The following EHBP1 variants were observed in gnomAD, a reference collection of about 807,000 sequenced individuals.
EHBP1 encodes the protein EH domain-binding protein 1.
A neutral mutation model predicts 144.0 loss-of-function variants in EHBP1; 55 were observed. The observed-to-expected ratio is 0.38, with a 90% CI of 0.31 to 0.48. The LOEUF (loss-of-function observed/expected upper bound fraction) is 0.48, where lower values mean the gene tolerates loss of function less well. Among genes scored for constraint, EHBP1 ranks in the 20% least tolerant of loss-of-function variants. The probability of loss-of-function intolerance (pLI) is 0.98; values close to 1 mark genes in which losing one functional copy is unlikely to be tolerated. For synonymous variants in EHBP1, 469 were observed against 472.7 expected (o/e 0.99, Z 0.10); for missense variants, 1,200 against 1,364.2 (o/e 0.88, Z 1.90).
intron 19 of EHBP1, among the ~76,000 whole-genome samples, chr2:63,017,139 G>C (rs552187529): frequency 6.6e-6 from 1 of 152,294 alleles, no homozygotes; most frequent in South Asian, 2.1e-4. Flanking sequence ...ATAAAAATTG[G>C]AGTAAAGAAC....
chr2:63,028,637 A>C (rs2061092187), intron 19 of EHBP1, among the ~76,000 whole-genome samples: 1 of 152,142 alleles, frequency 6.6e-6, no homozygotes, highest in Non-Finnish European at 1.5e-5. Context: ...TGCATGATAC[A>C]TCTTTGGAGA....
intron 10 of EHBP1, among the ~76,000 whole-genome samples, chr2:62,938,262 T>C (rs554970916): frequency 5.9e-5 from 9 of 152,180 alleles, no homozygotes; most frequent in Non-Finnish European, 1.3e-4. Context: ...CTATAAATAT[T>C]TGGGAATCAT....
intron 5 of EHBP1, among the ~76,000 whole-genome samples, chr2:62,805,764 G>T (rs982224890): frequency 1.3e-5 from 2 of 152,108 alleles, no homozygotes; most frequent in Admixed American, 6.5e-5. Flanking sequence ...CAGTCTGCCT[G>T]CCTCAGCCTC....
intron 3 of EHBP1, among the ~76,000 whole-genome samples, chr2:62,758,633 G>A (rs1558621986): frequency 6.6e-6 from 1 of 152,134 alleles, no homozygotes; most frequent in Non-Finnish European, 1.5e-5. Flanking sequence ...TAGTTATGTT[G>A]CCCTAAATCC....
At chr2:62,955,168 C>T (rs1231201067) in intron 13 of EHBP1, among the ~76,000 whole-genome samples, 1 of 151,920 alleles carries the variant, frequency 6.6e-6, no homozygotes, top group Admixed American at 6.6e-5. Flanking sequence ...AAATAAAACT[C>T]TGAACTTTAA....
intron 10 of EHBP1, among the ~76,000 whole-genome samples, chr2:62,927,490 G>A (rs990081871): frequency 3.9e-5 from 6 of 151,978 alleles, no homozygotes; most frequent in Non-Finnish European, 8.8e-5. Context: ...ATTATTATTT[G>A]TCAATTAAAA....
intron 20 of EHBP1, among the ~76,000 whole-genome samples, chr2:63,037,859 G>A (rs1440058671): frequency 2.0e-5 from 3 of 151,854 alleles, no homozygotes; most frequent in Admixed American, 2.0e-4. Flanking sequence ...AGAAAGCCAA[G>A]GAATATAAAC....
intron 10 of EHBP1, among the ~76,000 whole-genome samples, chr2:62,895,826 AAAG>A (rs1339796733): frequency 2.0e-5 from 3 of 152,186 alleles, no homozygotes; most frequent in Non-Finnish European, 4.4e-5. Context: ...AGGGAGGAAA[AAAG>A]AAGAATAAGA....
intron 10 of EHBP1, among the ~76,000 whole-genome samples, chr2:62,882,918 T>C (rs1406811373): frequency 6.6e-6 from 1 of 150,448 alleles, no homozygotes; most frequent in Non-Finnish European, 1.5e-5. Context: ...AACTTAACAG[T>C]GCCTACTGTA....
intron 10 of EHBP1, among the ~76,000 whole-genome samples, chr2:62,922,334 G>C (rs1166666362): frequency 6.6e-6 from 1 of 152,170 alleles, no homozygotes; most frequent in Non-Finnish European, 1.5e-5. Flanking sequence ...GACCCACACA[G>C]CTCAAACCCA....
upstream of EHBP1, among the ~76,000 whole-genome samples, chr2:62,703,930 T>C (rs190011847): frequency 1.3e-5 from 2 of 152,202 alleles, no homozygotes; most frequent in African/African-American, 4.8e-5. Context: ...AGAACAGTAA[T>C]AAATAGGGTG....
chr2:62,912,603 C>T (rs907914412), intron 10 of EHBP1, among the ~76,000 whole-genome samples: 1 of 152,046 alleles, frequency 6.6e-6, no homozygotes, highest in East Asian at 1.9e-4. Flanking sequence ...CTTGTATGCC[C>T]ATCTTTCAAG....
At chr2:62,858,980 T>C (rs1346388787) in intron 7 of EHBP1, among the ~76,000 whole-genome samples, 189 bp from the exon 8 acceptor site, 1 of 152,240 alleles carries the variant, frequency 6.6e-6, no homozygotes, top group Non-Finnish European at 1.5e-5. Context: ...CTCAAATGTT[T>C]GTTTTGTTTT....
chr2:62,790,199 T>G lies in EHBP1; in HGVS notation c.312+18807T>G, dbSNP rs143332587. Among the ~76,000 whole-genome samples, 139 of 152,330 alleles carry G rather than the reference T, an allele frequency of 9.1e-4. 6 individuals carry two copies. In the East Asian group the frequency reaches 0.022, roughly 24 times the overall value. On this transcript the variant is annotated intron_variant, in intron 5 of 22. Transcript: ENST00000431489. ...GAAGAAACTAGTCCTTGGCTTGATTTGTATTGGCAGAAGAAAGCAAACAGA... is the reference window on the plus strand; with the variant it reads ...GAAGAAACTAGTCCTTGGCTTGATTGGTATTGGCAGAAGAAAGCAAACAGA...
intron 7 of EHBP1, among the ~76,000 whole-genome samples, chr2:62,842,149 C>T (rs561512288): frequency 6.6e-6 from 1 of 152,038 alleles, no homozygotes; most frequent in Admixed American, 6.5e-5. Flanking sequence ...TGCAGTGACA[C>T]AGTCTCGGCT....
rs368948717 is a variant in EHBP1 at position 62,830,153 on chromosome 2, GACACAC to G, written c.495-828_495-823del. Among the ~76,000 whole-genome samples the G allele has an allele frequency of 6.1e-3, 804 of 132,158 alleles. 3 individuals are homozygous for G. The highest frequency in any genetic ancestry group is 7.4e-3 in the Non-Finnish European group (471 of 64,026). 86.7% of individuals were successfully genotyped at this position (132,158 alleles called of 152,430 possible). A position where few individuals can be genotyped will look rare whatever the true frequency, so the allele number is the denominator to read the frequency against. On this transcript the variant is annotated intron_variant, in intron 6 of 22. Transcript: ENST00000431489. ...TGGTGCATATATATATATATATATA[GACACAC>G]ACACACACACACACACACACACACA...
intron 19 of EHBP1, among the ~76,000 whole-genome samples, chr2:63,030,726 A>G (rs1294494106): frequency 6.7e-6 from 1 of 149,496 alleles, no homozygotes; most frequent in Non-Finnish European, 1.5e-5. Flanking sequence ...TTTGTGATCT[A>G]ATGATCTGCC....
chr2:62,868,419 A>G (rs2050203302), intron 9 of EHBP1, among the ~76,000 whole-genome samples: 1 of 152,152 alleles, frequency 6.6e-6, no homozygotes, highest in Non-Finnish European at 1.5e-5. Flanking sequence ...AGGACATAGG[A>G]AAAAGTCTTA....
At chr2:62,788,489 C>A (rs1412840749) in intron 5 of EHBP1, among the ~76,000 whole-genome samples, 1 of 151,466 alleles carries the variant, frequency 6.6e-6, no homozygotes, top group African/African-American at 2.4e-5. Flanking sequence ...AAAAAAAAAA[C>A]CCTGTTGTTA....
Sources: gnomAD v4.1 joint callset for allele counts (sites outside exome capture counted in the v4.1 genomes callset) on GRCh38, gnomAD v4.1.1 for gene constraint, MANE v1.5 for transcripts, NCBI Gene and HGNC (gene_info 2026-07-23, HGNC 2026-07-21) for gene names.